Variants in IL34 observed in about 807,000 individuals in gnomAD.
The protein encoded by IL34 is interleukin-34.
IL34 carries 17 observed loss-of-function variants against 25.3 expected under a neutral mutation model. The ratio of observed to expected loss-of-function variants is 0.67; its 90% CI spans 0.46 to 1.01. The LOEUF (loss-of-function observed/expected upper bound fraction) is 1.01. Among genes scored for constraint, IL34 ranks in the 50% least tolerant of loss-of-function variants. IL34 has a pLI of 0.00. For synonymous variants in IL34, 174 were observed against 140.9 expected (o/e 1.23, Z -1.66); for missense variants, 368 against 312.9 (o/e 1.18, Z -1.33).
chr16:70,646,941 C>T lies in IL34; in HGVS notation c.-7C>T. 2 of 1,477,184 alleles carry T rather than the reference C, an allele frequency of 1.4e-6. No individual in the cohort carries two copies. Among genetic ancestry groups the T allele is most frequent in the Non-Finnish European group, 1.8e-6 (2 of 1,119,356 alleles). The allele number at this position is 1,477,184 out of a possible 1,614,324, so 91.5% of individuals were successfully genotyped here. ...CCTGAGCTCTCAGGGGGACGAGGAA[C>T]ACCACCATGCCCCGGGGCTTCACCT... On this transcript the variant is annotated 5_prime_UTR_variant, in exon 1 of 6. Transcript: ENST00000288098.
At chr16:70,645,644 A>C (rs112091879), upstream of IL34, among the ~76,000 whole-genome samples, 2,939 of 152,278 alleles carry the variant, frequency 0.019, 95 homozygotes, top group African/African-American at 0.065. Flanking sequence ...CACACTTCTT[A>C]CAAGCCGTAT....
intron 1 of IL34, among the ~76,000 whole-genome samples, chr16:70,648,377 G>A (rs984778582): frequency 6.6e-6 from 1 of 151,878 alleles, no homozygotes; most frequent in African/African-American, 2.4e-5. Flanking sequence ...GCAGCATAGC[G>A]AGACTCCATC....
At chr16:70,635,695 G>A (rs1330130216) in intron 1 of IL34, among the ~76,000 whole-genome samples, 2 of 152,142 alleles carry the variant, frequency 1.3e-5, no homozygotes, top group South Asian at 2.1e-4. Flanking sequence ...GACCTCTATT[G>A]ATAGTGCAAA....
chr16:70,587,407 C>T (rs1292109607), intron 1 of IL34, among the ~76,000 whole-genome samples: 3 of 152,080 alleles, frequency 2.0e-5, no homozygotes, highest in Non-Finnish European at 4.4e-5. Context: ...GTAGCTGGGA[C>T]TACAGACGCC....
chr16:70,650,785 T>TG (rs1472700097), intron 1 of IL34, among the ~76,000 whole-genome samples: 1 of 152,148 alleles, frequency 6.6e-6, no homozygotes, highest in African/African-American at 2.4e-5. Flanking sequence ...GCAGAGACTC[T>TG]GGGGCAGGCA....
At chr16:70,611,582 G>T (rs897214205) in intron 1 of IL34, among the ~76,000 whole-genome samples, 2 of 151,854 alleles carry the variant, frequency 1.3e-5, no homozygotes, top group African/African-American at 4.8e-5. Context: ...TGAGCTCAGG[G>T]GTTTGAGACT....
At chr16:70,655,396 T>G (rs2052192351) in intron 2 of IL34, among the ~76,000 whole-genome samples, 1 of 151,140 alleles carries the variant, frequency 6.6e-6, no homozygotes, top group South Asian at 2.1e-4. Flanking sequence ...AAAATCCTTT[T>G]CTTTTCTTTT....
At chr16:70,627,100 T>C (rs866446854) in intron 1 of IL34, among the ~76,000 whole-genome samples, 5 of 152,154 alleles carry the variant, frequency 3.3e-5, no homozygotes, top group Admixed American at 1.3e-4. Context: ...AGTGCTGGGA[T>C]TACAGGCCTG....
chr16:70,656,527 C>T lies in IL34; in HGVS notation c.163-75C>T, dbSNP rs188995344. On this transcript the variant is annotated intron_variant, in intron 2 of 5. Coordinates refer to ENST00000288098, the MANE Select transcript of IL34 (RefSeq NM_001393494.1). ...GAGTGAGACTAACTGTTAAAAAAAACATCATTTGGGAGGTTGGGGAGCCTG... is the reference window on the plus strand; with the variant it reads ...GAGTGAGACTAACTGTTAAAAAAAATATCATTTGGGAGGTTGGGGAGCCTG... The T allele has an allele frequency of 1.2e-3, 1,005 of 845,768 alleles. 5 individuals are homozygous for T. Among genetic ancestry groups the T allele is most frequent in the South Asian group, 3.6e-3 (273 of 75,638 alleles). The allele number at this position is 845,768 out of a possible 1,614,324, so 52.4% of individuals were successfully genotyped here. A position where few individuals can be genotyped will look rare whatever the true frequency, so the allele number is the denominator to read the frequency against.
At chr16:70,590,994 A>ACCCGGC (rs1034851819) in intron 1 of IL34, among the ~76,000 whole-genome samples, 5 of 152,042 alleles carry the variant, frequency 3.3e-5, no homozygotes, top group African/African-American at 1.2e-4. Flanking sequence ...GTGCAGTCAG[A>ACCCGGC]CCCGGCCCCG....
chr16:70,594,154 C>G (rs942422596), intron 1 of IL34, among the ~76,000 whole-genome samples: 1 of 152,130 alleles, frequency 6.6e-6, no homozygotes, highest in Non-Finnish European at 1.5e-5. Context: ...GTAGATATTA[C>G]AAAATAACTT....
upstream of IL34, among the ~76,000 whole-genome samples, chr16:70,642,246 GA>G (rs1455174353): frequency 6.0e-5 from 9 of 150,882 alleles, no homozygotes; most frequent in African/African-American, 2.2e-4. Context: ...GAGACAGAGA[GA>G]GAGAGAGACA....
upstream of IL34, among the ~76,000 whole-genome samples, chr16:70,645,517 G>A (rs2051906012): frequency 1.3e-5 from 2 of 152,196 alleles, no homozygotes. Context: ...CAGACACAAT[G>A]GTCCAGACCT....
At chr16:70,644,352 C>T (rs2051856449), upstream of IL34, among the ~76,000 whole-genome samples, 1 of 152,142 alleles carries the variant, frequency 6.6e-6, no homozygotes, top group South Asian at 2.1e-4. Context: ...AGGTGTGAGA[C>T]ACTGCACCCA....
At chr16:70,588,898 C>T (rs1337450074) in intron 1 of IL34, among the ~76,000 whole-genome samples, 2 of 151,728 alleles carry the variant, frequency 1.3e-5, no homozygotes, top group African/African-American at 4.8e-5. Flanking sequence ...TTGCCAGGGG[C>T]TGGGGGTGGG....
chr16:70,602,355 C>T (rs1363643193), intron 1 of IL34, among the ~76,000 whole-genome samples: 1 of 152,080 alleles, frequency 6.6e-6, no homozygotes, highest in Non-Finnish European at 1.5e-5. Flanking sequence ...ACTTTCTGAG[C>T]TTTGGTTTCC....
At position 70,646,912 on chromosome 16, in the gene IL34, G is replaced by T. The variant is rs371965836; in HGVS notation, c.-36G>T. The T allele has an allele frequency of 2.0e-6, 3 of 1,478,398 alleles. No homozygotes were observed. Among genetic ancestry groups the T allele is most frequent in the Non-Finnish European group, 2.7e-6 (3 of 1,119,960 alleles). 91.6% of individuals were successfully genotyped at this position (1,478,398 alleles called of 1,614,324 possible). On this transcript the variant is annotated 5_prime_UTR_variant, in exon 1 of 6. Coordinates refer to ENST00000288098, the MANE Select transcript of IL34 (RefSeq NM_001393494.1). ...CCTCTGTGGACACACTGCTGGGGAC[G>T]GCGCCTGAGCTCTCAGGGGGACGAG...
intron 4 of IL34, among the ~76,000 whole-genome samples, chr16:70,658,243 G>A (rs1168417364): frequency 1.3e-5 from 2 of 152,218 alleles, no homozygotes; most frequent in East Asian, 3.8e-4. Flanking sequence ...GAGCTTTCCT[G>A]GAACCAGACT....
At chr16:70,604,262 CA>C (rs781455810) in intron 1 of IL34, among the ~76,000 whole-genome samples, 20 of 152,152 alleles carry the variant, frequency 1.3e-4, no homozygotes, top group Admixed American at 3.9e-4. Flanking sequence ...AATGTGAGGC[CA>C]AACCTGGGAA....
Sources: gnomAD v4.1 joint callset for allele counts (sites outside exome capture counted in the v4.1 genomes callset) on GRCh38, gnomAD v4.1.1 for gene constraint, MANE v1.5 for transcripts, NCBI Gene and HGNC (gene_info 2026-07-23, HGNC 2026-07-21) for gene names.